EPB41L4B: variants seen among roughly 807,000 people sequenced by gnomAD.
The protein encoded by EPB41L4B is erythrocyte membrane protein band 4.1 like 4B.
EPB41L4B carries 30 observed loss-of-function variants against 112.5 expected under a neutral mutation model. The observed-to-expected ratio is 0.27, with a 90% CI of 0.20 to 0.36. The LOEUF is 0.36. Ranked by LOEUF, EPB41L4B falls within the 10% of genes least tolerant of loss-of-function variation. The probability of loss-of-function intolerance (pLI) is 1.00; values close to 1 mark genes in which losing one functional copy is unlikely to be tolerated. For synonymous variants in EPB41L4B, 408 were observed against 439.7 expected (o/e 0.93, Z 0.90); for missense variants, 1,024 against 1,133.3 (o/e 0.90, Z 1.38).
chr9:109,301,322 T>G (rs1836957282), intron 1 of EPB41L4B: 1 of 152,246 alleles, frequency 6.6e-6, no homozygotes, highest in Admixed American at 6.5e-5. Context: ...TTTCCTCTAT[T>G]CATTCCTCCC....
chr9:109,252,339 C>T (rs1834819600), intron 12 of EPB41L4B, among the ~76,000 whole-genome samples: 1 of 152,228 alleles, frequency 6.6e-6, no homozygotes. Flanking sequence ...CCTCATGGAA[C>T]AGAACAGAGA....
In EPB41L4B at chr9:109,217,061, G is replaced by C. The variant is rs371113396; in HGVS notation, c.1494C>G (p.Thr498=). 3 of 1,614,058 alleles carry C rather than the reference G, an allele frequency of 1.9e-6. No individual in the cohort carries two copies. The highest frequency in any genetic ancestry group is 2.5e-6 in the Non-Finnish European group (3 of 1,180,042). ...GGTGGTGATGCCTTCCTGAAGCTGC[G>C]GTGAGGAACGGTGTGCCCCCATTCT... ...IEENGGTPFL[T]AASGRHHHQH... Residue 498 remains threonine (T), a synonymous_variant, in exon 16 of 26, where the codon ACC becomes ACG. Transcript: ENST00000374566.
Position 109,320,516 on chromosome 9 carries a change from CG to C in EPB41L4B, c.-71del, listed in dbSNP as rs1837834610. The C allele has an allele frequency of 1.1e-6, 1 of 880,906 alleles. No individual in the cohort carries two copies. Among genetic ancestry groups the C allele is most frequent in the Non-Finnish European group, 1.4e-6 (1 of 737,404 alleles). 54.6% of individuals were successfully genotyped at this position (880,906 alleles called of 1,614,324 possible). ...GCCGCTGCCGCTGCCGCTGCGCCGCCGCCCGGGAGCGTCCCGCGACGCCGTC... is the reference window on the plus strand; with the variant it reads ...GCCGCTGCCGCTGCCGCTGCGCCGCCCCCGGGAGCGTCCCGCGACGCCGTC... On this transcript the variant is annotated 5_prime_UTR_variant, in exon 1 of 26. Transcript: ENST00000374566.
rs186057046 is a variant in EPB41L4B at position 109,266,415 on chromosome 9, T to C, written c.533+1058A>G. The stretch of plus-strand genomic sequence containing the variant: ...AGGGGAAATGGTGATAACCAGTCAG[T>C]CTTTAAGGCATTATTTAGGGGTCAT... On this transcript the variant is annotated intron_variant, in intron 4 of 25. Coordinates refer to ENST00000374566, the MANE Select transcript of EPB41L4B (RefSeq NM_019114.5). 3.0e-3 allele frequency among the ~76,000 whole-genome samples: 447 copies of C among 151,314 alleles called. 8 individuals carry two copies. Among genetic ancestry groups the C allele is most frequent in the Non-Finnish European group, 9.1e-4 (62 of 67,858 alleles).
At chr9:109,263,164 T>C in intron 5 of EPB41L4B, 62 bp from the exon 6 acceptor site, 2 of 1,051,778 alleles carry the variant, frequency 1.9e-6, no homozygotes, top group Non-Finnish European at 2.8e-6. Context: ...ATACAAAATG[T>C]CATTAAAATC....
chr9:109,264,472 A>G (rs1389535061), intron 5 of EPB41L4B, among the ~76,000 whole-genome samples: 1 of 152,236 alleles, frequency 6.6e-6, no homozygotes, highest in East Asian at 1.9e-4. Flanking sequence ...AATGCTTCTT[A>G]TACTCAATGA....
At chr9:109,319,388 G>A (rs1306667738) in intron 1 of EPB41L4B, among the ~76,000 whole-genome samples, 4 of 152,166 alleles carry the variant, frequency 2.6e-5, no homozygotes, top group Non-Finnish European at 5.9e-5. Context: ...GAGAAAGTCA[G>A]GCGCGCCTGG....
intron 6 of EPB41L4B, 74 bp from the exon 7 acceptor site, chr9:109,258,371 G>A: frequency 4.5e-6 from 7 of 1,546,854 alleles, no homozygotes; most frequent in Non-Finnish European, 6.2e-6. Context: ...CAGGTCCAAA[G>A]GCATTTTGCA....
At position 109,185,611 on chromosome 9, in the gene EPB41L4B, C is replaced by A. The variant is rs764371277; in HGVS notation, c.2302-6G>T. ...GGGTTGCTGGCGGGCTCTGCCTGCT[C>A]ACGAGGAGAGGAGAGAAGGGGAGGA... On this transcript the variant is annotated splice_region_variant and splice_polypyrimidine_tract_variant and intron_variant, in intron 22 of 25. Coordinates refer to ENST00000374566, the MANE Select transcript of EPB41L4B (RefSeq NM_019114.5). The A allele has an allele frequency of 6.3e-6, 10 of 1,599,182 alleles. No homozygotes were observed. Among genetic ancestry groups the A allele is most frequent in the Non-Finnish European group, 8.5e-6 (10 of 1,171,794 alleles).
At chr9:109,206,300 C>T (rs1294855564) in intron 18 of EPB41L4B, among the ~76,000 whole-genome samples, 1 of 152,196 alleles carries the variant, frequency 6.6e-6, no homozygotes, top group African/African-American at 2.4e-5. Context: ...TCTCCTGCCT[C>T]AGCCTCCCGA....
chr9:109,316,060 T>C (rs1837622640), intron 1 of EPB41L4B, among the ~76,000 whole-genome samples: 1 of 152,210 alleles, frequency 6.6e-6, no homozygotes, highest in Non-Finnish European at 1.5e-5. Flanking sequence ...CCATGAGGCC[T>C]TCCCGTCACC....
intron 15 of EPB41L4B, among the ~76,000 whole-genome samples, chr9:109,225,467 G>A (rs761586671): frequency 1.2e-4 from 19 of 152,286 alleles, no homozygotes; most frequent in Admixed American, 9.8e-4. Flanking sequence ...CTCACATGGC[G>A]GTAGACAAGA....
intron 20 of EPB41L4B, among the ~76,000 whole-genome samples, chr9:109,199,827 A>G (rs1015907272): frequency 6.6e-6 from 1 of 152,182 alleles, no homozygotes; most frequent in Non-Finnish European, 1.5e-5. Context: ...CCTCTGTCCA[A>G]GAGTCCTTGA....
chr9:109,196,487 G>A (rs948457834), intron 20 of EPB41L4B, among the ~76,000 whole-genome samples: 4 of 152,172 alleles, frequency 2.6e-5, no homozygotes, highest in African/African-American at 4.8e-5. Flanking sequence ...GGGGGGCCAA[G>A]GCAGGCGATT....
intron 15 of EPB41L4B, among the ~76,000 whole-genome samples, chr9:109,229,596 A>T (rs1437701652): frequency 1.3e-5 from 2 of 152,144 alleles, no homozygotes; most frequent in Non-Finnish European, 2.9e-5. Context: ...GGTAGCACAC[A>T]AGTTCTCCAC....
At chr9:109,267,613 G>A in intron 3 of EPB41L4B, 62 bp from the exon 4 acceptor site, 1 of 1,074,432 alleles carries the variant, frequency 9.3e-7, no homozygotes, top group Middle Eastern at 2.0e-4. Flanking sequence ...ATCACAGGAT[G>A]GACAAAAGGG....
intron 13 of EPB41L4B, among the ~76,000 whole-genome samples, chr9:109,248,513 G>A: frequency 6.6e-6 from 1 of 152,206 alleles, no homozygotes; most frequent in East Asian, 1.9e-4. Context: ...AACATCTGCA[G>A]AATCCTAAAG....
At chr9:109,319,693 G>A (rs1002268634) in intron 1 of EPB41L4B, among the ~76,000 whole-genome samples, 19 of 152,336 alleles carry the variant, frequency 1.2e-4, no homozygotes, top group Admixed American at 1.1e-3. Flanking sequence ...CGAGTTTGAG[G>A]GGGGACAAGC....
chr9:109,184,025 T>C (rs1312766894), intron 23 of EPB41L4B, among the ~76,000 whole-genome samples: 1 of 152,196 alleles, frequency 6.6e-6, no homozygotes, highest in East Asian at 1.9e-4. Context: ...TCTTTACACA[T>C]CTCAAAATTG....
Sources: allele counts gnomAD v4.1 joint callset (sites outside exome capture counted in the v4.1 genomes callset), GRCh38; gene constraint gnomAD v4.1.1; transcripts MANE v1.5; gene names NCBI Gene and HGNC (gene_info 2026-07-23, HGNC 2026-07-21).